Variants in OR51B5 observed in about 807,000 individuals in gnomAD.
OR51B5 encodes olfactory receptor family 51 subfamily B member 5.
For missense variants in OR51B5, 456 were observed against 374.6 expected, an observed-to-expected ratio of 1.22 and a Z score of -1.79; for synonymous variants, 186 against 144.8, an observed-to-expected ratio of 1.28 and a Z score of -2.04.
chr11:5,477,743 G>C (rs997697295), intron 1 of OR51B5, among the ~76,000 whole-genome samples: 7 of 152,172 alleles, frequency 4.6e-5, no homozygotes, highest in African/African-American at 1.7e-4. Flanking sequence ...GTCAAAGAAA[G>C]GGGTGACGGA....
At position 5,489,885 on chromosome 11, in the gene OR51B5, A is replaced by G. The variant is rs1590026790; in HGVS notation, n.84+15684T>C. ...CTCTGAATACCCCAGAAAGGTGATA[A>G]TATTCTCACACTTGTCTTAAAAGTG... On this transcript the variant is annotated intron_variant and non_coding_transcript_variant, in intron 1 of 4. Coordinates refer to the OR51B5 transcript ENST00000415970. 4 of 511,756 alleles carry G rather than the reference A, an allele frequency of 7.8e-6. No homozygotes were observed. The East Asian group carries it at 9.1e-5, about 12-fold the overall frequency. 31.7% of individuals were successfully genotyped at this position (511,756 alleles called of 1,614,324 possible). A position where few individuals can be genotyped will look rare whatever the true frequency, so the allele number is the denominator to read the frequency against.
At chr11:5,392,628 T>A (rs1400388989) in intron 1 of OR51B5, 1 of 152,228 alleles carries the variant, frequency 6.6e-6, no homozygotes, top group African/African-American at 2.4e-5. Flanking sequence ...ACAATCAATA[T>A]CTGGCTGGGC....
chr11:5,500,111 C>A (rs566775955), intron 1 of OR51B5, among the ~76,000 whole-genome samples: 1 of 152,278 alleles, frequency 6.6e-6, no homozygotes, highest in South Asian at 2.1e-4. Context: ...AAATTATGTG[C>A]ACCTTTGTGA....
At chr11:5,487,226 A>G (rs998350185) in intron 1 of OR51B5, among the ~76,000 whole-genome samples, 3 of 151,964 alleles carry the variant, frequency 2.0e-5, no homozygotes, top group African/African-American at 7.3e-5. Context: ...TGATAACTGT[A>G]CTCTCTTTTA....
intron 1 of OR51B5, among the ~76,000 whole-genome samples, chr11:5,493,367 C>T (rs907590918): frequency 2.0e-5 from 3 of 152,136 alleles, no homozygotes; most frequent in Non-Finnish European, 4.4e-5. Context: ...AAGTCATCAT[C>T]ATGTTCCCCT....
intron 1 of OR51B5, among the ~76,000 whole-genome samples, chr11:5,494,102 G>A (rs1851615941): frequency 6.6e-6 from 1 of 152,152 alleles, no homozygotes; most frequent in South Asian, 2.1e-4. Flanking sequence ...TACAAGTATT[G>A]CTAGCAAAAC....
At chr11:5,418,877 T>TTAAAAAAA (rs1554889686) in intron 1 of OR51B5, among the ~76,000 whole-genome samples, 3 of 133,644 alleles carry the variant, frequency 2.2e-5, no homozygotes, top group East Asian at 5.2e-4. Context: ...TGAAGTATTA[T>TTAAAAAAA]AAAAAAAAAA....
intron 1 of OR51B5, among the ~76,000 whole-genome samples, chr11:5,414,496 T>C (rs1353874307): frequency 2.0e-5 from 3 of 151,824 alleles, no homozygotes; most frequent in African/African-American, 7.3e-5. Flanking sequence ...GCAAATTGGA[T>C]AAAGAGTCAA....
chr11:5,498,802 T>G lies in OR51B5; in HGVS notation n.84+6767A>C, dbSNP rs182138967. 2.0e-5 allele frequency among the ~76,000 whole-genome samples: 3 copies of G among 152,346 alleles called. No individual in the cohort carries two copies. The East Asian group carries it at 5.8e-4, about 29-fold the overall frequency. On this transcript the variant is annotated intron_variant and non_coding_transcript_variant, in intron 1 of 4. Transcript: ENST00000415970. ...TAACAGATTTAATAGACAAACATGATGACCTCCTGAAAAATCTCCTCTTTA... is the reference window on the plus strand; with the variant it reads ...TAACAGATTTAATAGACAAACATGAGGACCTCCTGAAAAATCTCCTCTTTA...
intron 1 of OR51B5, among the ~76,000 whole-genome samples, chr11:5,374,747 A>C (rs1849497604): frequency 6.6e-6 from 1 of 152,190 alleles, no homozygotes. Flanking sequence ...TGGAAGATGA[A>C]ATAAATGAAA....
intron 1 of OR51B5, among the ~76,000 whole-genome samples, chr11:5,464,973 G>A (rs1176000027): frequency 7.9e-5 from 12 of 152,078 alleles, no homozygotes; most frequent in South Asian, 4.1e-4. Flanking sequence ...TTGGGAGGCC[G>A]AGGCGGGCGG....
intron 1 of OR51B5, among the ~76,000 whole-genome samples, chr11:5,375,507 G>C (rs1044032716): frequency 6.6e-6 from 1 of 152,122 alleles, no homozygotes. Context: ...AATGGACTAA[G>C]TGCTCCAATT....
intron 1 of OR51B5, among the ~76,000 whole-genome samples, chr11:5,485,853 TCTTA>T (rs1435597876): frequency 6.6e-6 from 1 of 152,080 alleles, no homozygotes; most frequent in Non-Finnish European, 1.5e-5. Context: ...TATGTCAAGG[TCTTA>T]ATTAACCCTC....
At chr11:5,438,093 T>C (rs1850617111) in intron 1 of OR51B5, among the ~76,000 whole-genome samples, 1 of 152,116 alleles carries the variant, frequency 6.6e-6, no homozygotes, top group African/African-American at 2.4e-5. Context: ...TAATCATGAA[T>C]CATGACCTTG....
rs75318247 is a variant in OR51B5 at position 5,368,130 on chromosome 11, G to T, written n.85-21220C>A. Among the ~76,000 whole-genome samples the T allele has an allele frequency of 3.9e-3, 596 of 152,254 alleles. 2 individuals carry two copies. Among genetic ancestry groups the T allele is most frequent in the African/African-American group, 0.01 (426 of 41,546 alleles). ...TTTTCCTCTGCCATTCAGATTTGTT[G>T]CATCTTCAACCAATAACTTAACTAT... On this transcript the variant is annotated intron_variant and non_coding_transcript_variant, in intron 1 of 4. Transcript: ENST00000415970.
intron 1 of OR51B5, among the ~76,000 whole-genome samples, chr11:5,444,378 G>T (rs1230611758): frequency 6.6e-6 from 1 of 152,104 alleles, no homozygotes; most frequent in East Asian, 1.9e-4. Flanking sequence ...AAATGATGCA[G>T]CAGTACCTTA....
chr11:5,351,295 T>A (rs1849081346), intron 1 of OR51B5, among the ~76,000 whole-genome samples: 1 of 152,196 alleles, frequency 6.6e-6, no homozygotes, highest in African/African-American at 2.4e-5. Context: ...TAATCTTACA[T>A]AGAGTAAACC....
intron 1 of OR51B5, among the ~76,000 whole-genome samples, chr11:5,362,369 A>G (rs1849296953): frequency 6.6e-6 from 1 of 152,222 alleles, no homozygotes; most frequent in African/African-American, 2.4e-5. Flanking sequence ...ATGGTCAGGA[A>G]TTTAGTGTAT....
intron 1 of OR51B5, among the ~76,000 whole-genome samples, chr11:5,480,573 G>GT (rs1286200380): frequency 6.6e-6 from 1 of 151,762 alleles, no homozygotes; most frequent in Non-Finnish European, 1.5e-5. Flanking sequence ...CCAGGAGCTG[G>GT]TTTTTTGAAA....
Sources: allele counts gnomAD v4.1 joint callset (sites outside exome capture counted in the v4.1 genomes callset), GRCh38; gene constraint gnomAD v4.1.1; transcripts MANE v1.5; gene names NCBI Gene and HGNC (gene_info 2026-07-23, HGNC 2026-07-21).